GALNTL6: variants seen among roughly 807,000 people sequenced by gnomAD.
GALNTL6 encodes polypeptide N-acetylgalactosaminyltransferase like 6.
In GALNTL6, 46 loss-of-function variants were observed where a neutral mutation model predicts 73.7. The observed-to-expected ratio is 0.62, with a 90% CI of 0.49 to 0.80. GALNTL6 has a LOEUF of 0.80. Ranked by LOEUF, GALNTL6 falls within the 30% of genes least tolerant of loss-of-function variation. The pLI is 0.00. For synonymous variants in GALNTL6, 259 were observed against 263.7 expected (o/e 0.98, Z 0.17); for missense variants, 604 against 755.0 (o/e 0.80, Z 2.34).
At chr4:172,405,406 T>C (rs1367054859) in intron 5 of GALNTL6, among the ~76,000 whole-genome samples, 1 of 7,856 alleles carries the variant, frequency 1.3e-4, no homozygotes, top group African/African-American at 3.0e-4. Context: ...ATACTTGATA[T>C]ATATATATAT....
At chr4:172,370,504 G>A (rs12646938) in intron 5 of GALNTL6, among the ~76,000 whole-genome samples, 34,944 of 151,238 alleles carry the variant, frequency 0.23, 4,551 homozygotes, top group East Asian at 0.36. Flanking sequence ...GGTGGTGGGC[G>A]CCTGTAGTCC....
At chr4:172,115,981 TTA>T (rs1487698139) in intron 2 of GALNTL6, among the ~76,000 whole-genome samples, 2 of 151,910 alleles carry the variant, frequency 1.3e-5, no homozygotes, top group Non-Finnish European at 2.9e-5. Flanking sequence ...AATATACAAA[TTA>T]TATGACAGTA....
chr4:172,038,524 A>G (rs1388732638), intron 2 of GALNTL6, among the ~76,000 whole-genome samples: 1 of 152,188 alleles, frequency 6.6e-6, no homozygotes, highest in Non-Finnish European at 1.5e-5. Context: ...TCAAAATTCA[A>G]ATTCAAAACT....
intron 8 of GALNTL6, among the ~76,000 whole-genome samples, chr4:172,912,089 G>T (rs1269468383): frequency 6.6e-6 from 1 of 152,138 alleles, no homozygotes; most frequent in Non-Finnish European, 1.5e-5. Flanking sequence ...AAGCAAGTCA[G>T]TTTGCCCCCC....
chr4:172,168,582 T>C (rs901277242), intron 2 of GALNTL6, among the ~76,000 whole-genome samples: 12 of 151,834 alleles, frequency 7.9e-5, no homozygotes, highest in Non-Finnish European at 2.9e-5. Flanking sequence ...GATATGGTAA[T>C]GATGGTGGAG....
intron 5 of GALNTL6, among the ~76,000 whole-genome samples, chr4:172,498,553 G>A (rs1254634488): frequency 3.3e-5 from 5 of 152,076 alleles, no homozygotes; most frequent in Non-Finnish European, 7.4e-5. Context: ...GGGAGGGAAG[G>A]CATTGGGTGA....
At chr4:172,788,564 C>T (rs916779843) in intron 5 of GALNTL6, among the ~76,000 whole-genome samples, 34 of 148,428 alleles carry the variant, frequency 2.3e-4, no homozygotes, top group African/African-American at 7.2e-4. Context: ...CCCAGCTACT[C>T]GGGAGGCTGA....
At chr4:172,626,266 G>A (rs1329511361) in intron 5 of GALNTL6, among the ~76,000 whole-genome samples, 1 of 152,028 alleles carries the variant, frequency 6.6e-6, no homozygotes, top group Admixed American at 6.6e-5. Context: ...AACATATATT[G>A]AATAGAAAGT....
intron 4 of GALNTL6, among the ~76,000 whole-genome samples, chr4:172,319,707 G>A (rs1247865425): frequency 6.6e-6 from 1 of 152,086 alleles, no homozygotes; most frequent in African/African-American, 2.4e-5. Context: ...TGAGTGACAG[G>A]CACTTAGATG....
At chr4:172,026,228 A>C (rs1579070412) in intron 2 of GALNTL6, among the ~76,000 whole-genome samples, 1 of 152,002 alleles carries the variant, frequency 6.6e-6, no homozygotes, top group Middle Eastern at 3.4e-3. Flanking sequence ...TTATAAATGT[A>C]GGTATTTCAT....
intron 2 of GALNTL6, among the ~76,000 whole-genome samples, chr4:171,905,324 A>G (rs1369155199): frequency 6.6e-6 from 1 of 151,502 alleles, no homozygotes; most frequent in East Asian, 1.9e-4. Context: ...TGGAAAACTA[A>G]AAAAGGCAGG....
chr4:172,563,877 A>C (rs1736468433), intron 5 of GALNTL6, among the ~76,000 whole-genome samples: 1 of 152,216 alleles, frequency 6.6e-6, no homozygotes, highest in African/African-American at 2.4e-5. Flanking sequence ...ATGCTTTAAC[A>C]CTTGAGAGGA....
At chr4:172,568,792 A>C (rs895284900) in intron 5 of GALNTL6, among the ~76,000 whole-genome samples, 1 of 150,554 alleles carries the variant, frequency 6.6e-6, no homozygotes, top group African/African-American at 2.4e-5. Flanking sequence ...AACAAAGATG[A>C]ACATCTACGT....
At chr4:172,659,182 A>G (rs1731241240) in intron 5 of GALNTL6, among the ~76,000 whole-genome samples, 1 of 152,210 alleles carries the variant, frequency 6.6e-6, no homozygotes, top group Admixed American at 6.5e-5. Context: ...CTTTTGGGGC[A>G]GTATGATGCC....
intron 10 of GALNTL6, among the ~76,000 whole-genome samples, chr4:172,990,370 A>G (rs1052852323): frequency 6.6e-6 from 1 of 152,218 alleles, no homozygotes; most frequent in African/African-American, 2.4e-5. Flanking sequence ...GTTAAAAGCT[A>G]TAAATAGCTC....
intron 5 of GALNTL6, among the ~76,000 whole-genome samples, chr4:172,783,254 C>T (rs1378608769): frequency 6.6e-6 from 1 of 150,576 alleles, no homozygotes; most frequent in Non-Finnish European, 1.5e-5. Context: ...ATACTATGTT[C>T]ATGGATTTGG....
At chr4:172,840,551 C>G (rs372962461) in intron 7 of GALNTL6, among the ~76,000 whole-genome samples, 3 of 152,196 alleles carry the variant, frequency 2.0e-5, no homozygotes, top group Non-Finnish European at 4.4e-5. Flanking sequence ...GACTCACACA[C>G]CAACATTTAT....
chr4:172,542,777 C>G (rs577250702), intron 5 of GALNTL6, among the ~76,000 whole-genome samples: 3 of 152,218 alleles, frequency 2.0e-5, no homozygotes, highest in Admixed American at 6.5e-5. Flanking sequence ...ACCCAGAAAA[C>G]TTTTCCACAA....
intron 2 of GALNTL6, among the ~76,000 whole-genome samples, chr4:172,214,015 G>T (rs1736413966): frequency 6.6e-6 from 1 of 152,136 alleles, no homozygotes; most frequent in Non-Finnish European, 1.5e-5. Flanking sequence ...TCATATTGCT[G>T]CATGTATTAA....
Sources: allele counts gnomAD v4.1 joint callset (sites outside exome capture counted in the v4.1 genomes callset), GRCh38; gene constraint gnomAD v4.1.1; transcripts MANE v1.5; gene names NCBI Gene and HGNC (gene_info 2026-07-23, HGNC 2026-07-21).